COL6A6: variants seen among roughly 807,000 people sequenced by gnomAD.
COL6A6 encodes the protein collagen alpha-6(VI) chain.
Under a neutral mutation model 208.6 loss-of-function variants are expected in COL6A6, and 183 were observed. The ratio of observed to expected loss-of-function variants is 0.88; its 90% CI spans 0.78 to 0.99. The LOEUF (loss-of-function observed/expected upper bound fraction) is 0.99. COL6A6 is among the 50% of genes least tolerant of loss of function. COL6A6 has a pLI of 0.00. For missense variants in COL6A6, 2,816 were observed against 2,815.2 expected (o/e 1.00, Z -0.01); for synonymous variants, 973 against 1,011.8 (o/e 0.96, Z 0.73).
Position 130,584,984 on chromosome 3 carries a change from C to T in COL6A6, c.3971-1522C>T, listed in dbSNP as rs558266751. On this transcript the variant is annotated intron_variant, in intron 10 of 36. Coordinates refer to ENST00000358511, the MANE Select transcript of COL6A6 (RefSeq NM_001102608.3). The stretch of plus-strand genomic sequence containing the variant: ...GGAACTTGAACCTCTCCAATATGTC[C>T]CTGAAACTTCATTCTCTTGATTTCT... Among the ~76,000 whole-genome samples, 5 of 152,224 alleles carry T rather than the reference C, an allele frequency of 3.3e-5. No homozygotes were observed. In the East Asian group the frequency reaches 9.7e-4, roughly 29 times the overall value.
At chr3:130,523,819 T>C (rs1343788045) in intron 1 of COL6A6, among the ~76,000 whole-genome samples, 1 of 152,212 alleles carries the variant, frequency 6.6e-6, no homozygotes, top group Non-Finnish European at 1.5e-5. Flanking sequence ...TTTTTGGAAA[T>C]GCAAGTGATG....
At position 130,567,017 on chromosome 3, in the gene COL6A6, G is replaced by C. The variant is rs763062555; in HGVS notation, c.1598G>C (p.Arg533Pro). 6.2e-7 allele frequency: 1 copy of C among 1,613,916 alleles called. No homozygotes were observed. The highest frequency in any genetic ancestry group is 8.5e-7 in the Non-Finnish European group (1 of 1,179,906). ...CTGTTGCAAAAAGCAAAGAAGCAGC[G>C]AGGAAACAAAGTTCCATGCCACCTT... The part of the protein sequence containing the change: ...LSLLQKAKKQ[R>P]GNKVPCHLVV... The change falls in exon 5 of 37, where the codon CGA becomes CCA. Residue 533 changes from arginine (R) to proline (P), a missense_variant. By Grantham distance (103) the Arg-to-Pro change is moderately radical. Coordinates refer to ENST00000358511, the MANE Select transcript of COL6A6 (RefSeq NM_001102608.3).
rs147453622 is a variant in COL6A6, at chr3:130,636,333, C to G, written c.5091+572C>G. ...TTGGAATAAACACAGGTCTCCAGTA[C>G]AATTCATCCTGTAGGCTTGCCTTGG... On this transcript the variant is annotated intron_variant, in intron 28 of 36. Transcript: ENST00000358511. 3.2e-4 allele frequency among the ~76,000 whole-genome samples: 48 copies of G among 152,342 alleles called. 1 individual carries two copies. The East Asian group carries it at 7.5e-3, about 24-fold the overall frequency.
At chr3:130,547,993 A>G (rs1171393095) in intron 1 of COL6A6, among the ~76,000 whole-genome samples, 1 of 152,162 alleles carries the variant, frequency 6.6e-6, no homozygotes, top group Non-Finnish European at 1.5e-5. Flanking sequence ...GGGTTTCACC[A>G]TGTTGGCCAG....
At chr3:130,594,997 C>T (rs1374430028) in intron 18 of COL6A6, among the ~76,000 whole-genome samples, 1 of 152,134 alleles carries the variant, frequency 6.6e-6, no homozygotes, top group African/African-American at 2.4e-5. Flanking sequence ...GGGATTATTA[C>T]AATTCAAGAT....
chr3:130,617,859 C>T (rs939461556), intron 23 of COL6A6, among the ~76,000 whole-genome samples: 4 of 152,168 alleles, frequency 2.6e-5, no homozygotes, highest in Non-Finnish European at 5.9e-5. Flanking sequence ...GTGTCCTTGG[C>T]AATGCCCCAA....
intron 1 of COL6A6, among the ~76,000 whole-genome samples, chr3:130,556,458 G>T (rs2062769560): frequency 6.6e-6 from 1 of 151,990 alleles, no homozygotes; most frequent in African/African-American, 2.4e-5. Context: ...CTTTCCAAAG[G>T]CCTGGTGTTT....
At chr3:130,589,014 T>C in intron 11 of COL6A6, 76 bp from the exon 12 acceptor site, 1 of 1,078,666 alleles carries the variant, frequency 9.3e-7, no homozygotes, top group Non-Finnish European at 1.4e-6. Context: ...GAAGTCTGGA[T>C]CGCATGGTTG....
At chr3:130,622,674 G>C (rs2064765176) in intron 24 of COL6A6, among the ~76,000 whole-genome samples, 1 of 151,798 alleles carries the variant, frequency 6.6e-6, no homozygotes, top group African/African-American at 2.4e-5. Flanking sequence ...TGGCTAACAT[G>C]GTGAAACCCC....
chr3:130,553,075 A>G (rs896404799), intron 1 of COL6A6, among the ~76,000 whole-genome samples: 5 of 151,336 alleles, frequency 3.3e-5, no homozygotes, highest in Admixed American at 6.6e-5. Flanking sequence ...TGCCTTTAAC[A>G]TTTTTTTTCT....
chr3:130,560,448 A>G lies in COL6A6; in HGVS notation c.64+20A>G, dbSNP rs2062857987. The G allele has an allele frequency of 2.5e-6, 4 of 1,591,354 alleles. No individual in the cohort carries two copies. Among genetic ancestry groups the G allele is most frequent in the Non-Finnish European group, 2.6e-6 (3 of 1,163,626 alleles). ...ATTCCGGTAAGGAAAAACTGGAAAGAATTCTTAATTTTGATTATAGAAAAT... is the reference window on the plus strand; with the variant it reads ...ATTCCGGTAAGGAAAAACTGGAAAGGATTCTTAATTTTGATTATAGAAAAT... On this transcript the variant is annotated intron_variant, in intron 2 of 36. Coordinates refer to ENST00000358511, the MANE Select transcript of COL6A6 (RefSeq NM_001102608.3).
chr3:130,566,846 G>T lies in COL6A6; in HGVS notation c.1427G>T (p.Gly476Val). ...ATTGCTCCCCATAAGGTGCGGGTTG[G>T]GGCCGTTCAGTATGCTGACAGCTGG... ...FNIAPHKVRV[G>V]AVQYADSWDL... Residue 476 changes from glycine (G) to valine (V), a missense_variant, in exon 5 of 37, where the codon GGG (glycine) becomes GTG (valine). Transcript: ENST00000358511. 1.2e-6 allele frequency: 2 copies of T among 1,613,994 alleles called. No homozygotes were observed. The highest frequency in any genetic ancestry group is 1.7e-6 in the Non-Finnish European group (2 of 1,179,896).
At chr3:130,594,423 C>T in intron 18 of COL6A6, 80 bp downstream of exon 18, 2 of 1,085,080 alleles carry the variant, frequency 1.8e-6, no homozygotes, top group Non-Finnish European at 2.8e-6. Flanking sequence ...TTTCAAGGTA[C>T]TACAATAGTA....
Position 130,593,107 on chromosome 3 carries a change from T to G in COL6A6, c.4416+2T>G, listed in dbSNP as rs1158852461. The G allele has an allele frequency of 6.2e-7, 1 of 1,613,398 alleles. No homozygotes were observed. Among genetic ancestry groups the G allele is most frequent in the Non-Finnish European group, 8.5e-7 (1 of 1,179,488 alleles). On this transcript the variant is annotated splice_donor_variant, in intron 16 of 36. Coordinates refer to ENST00000358511, the MANE Select transcript of COL6A6 (RefSeq NM_001102608.3). LOFTEE classifies it high-confidence loss of function. ...ATTGACGGATTAAACGGAGAACAGG[T>G]AGAGCCTTCTTGTACCATAGAGACC...
chr3:130,628,831 AGGGTCCTGTCTGT>A (rs2064973331), intron 26 of COL6A6, among the ~76,000 whole-genome samples: 2 of 76,582 alleles, frequency 2.6e-5, no homozygotes, highest in South Asian at 3.9e-4. Flanking sequence ...CCTGCAGCTG[AGGGTCCTGTCTGT>A]TAGAAGGAAA....
intron 19 of COL6A6, among the ~76,000 whole-genome samples, 155 bp downstream of exon 19, chr3:130,598,585 G>C (rs2063915101): frequency 1.3e-5 from 2 of 152,174 alleles, no homozygotes. Flanking sequence ...CTTTTCTCCT[G>C]CCTATGTACT....
intron 11 of COL6A6, among the ~76,000 whole-genome samples, chr3:130,587,153 C>T (rs2063560947): frequency 6.6e-6 from 1 of 152,194 alleles, no homozygotes; most frequent in Non-Finnish European, 1.5e-5. Context: ...AGAGAAAGAG[C>T]AATCTGCTCT....
At chr3:130,615,339 G>A (rs1053662569) in intron 23 of COL6A6, among the ~76,000 whole-genome samples, 5 of 152,068 alleles carry the variant, frequency 3.3e-5, no homozygotes, top group Non-Finnish European at 5.9e-5. Context: ...AATTTGCTGA[G>A]GATTGTTTTA....
chr3:130,587,379 A>C (rs968922240), intron 11 of COL6A6, among the ~76,000 whole-genome samples: 18 of 152,216 alleles, frequency 1.2e-4, no homozygotes, highest in Admixed American at 1.2e-3. Flanking sequence ...TCCCTGCCTC[A>C]GCCTCCCGAG....
Sources: gnomAD v4.1 joint callset for allele counts (sites outside exome capture counted in the v4.1 genomes callset) on GRCh38, gnomAD v4.1.1 for gene constraint, MANE v1.5 for transcripts, NCBI Gene and HGNC (gene_info 2026-07-23, HGNC 2026-07-21) for gene names.